Variants in COMMD1 observed in about 807,000 individuals in gnomAD.
The protein encoded by COMMD1 is copper metabolism domain containing 1.
A neutral mutation model predicts 17.2 loss-of-function variants in COMMD1; 10 were observed. The ratio of observed to expected loss-of-function variants is 0.58; its 90% CI spans 0.36 to 0.99. The LOEUF (loss-of-function observed/expected upper bound fraction) is 0.99, where lower values mean the gene tolerates loss of function less well. COMMD1 is among the 50% of genes least tolerant of loss of function. The pLI, the probability that COMMD1 is intolerant of heterozygous loss-of-function variation, is 0.01. For missense variants in COMMD1, 270 were observed against 231.8 expected (o/e 1.17, Z -1.07); for synonymous variants, 97 against 91.6 (o/e 1.06, Z -0.34).
intron 2 of COMMD1, among the ~76,000 whole-genome samples, chr2:62,002,354 G>A (rs1467029214): frequency 6.8e-6 from 1 of 148,086 alleles, no homozygotes; most frequent in Non-Finnish European, 1.5e-5. Context: ...AGTCAGGCAT[G>A]GTGGCAGGCG....
At chr2:61,998,627 C>T (rs1668837070) in intron 1 of COMMD1, among the ~76,000 whole-genome samples, 1 of 152,174 alleles carries the variant, frequency 6.6e-6, no homozygotes, top group Non-Finnish European at 1.5e-5. Flanking sequence ...AAGAACTTCT[C>T]CTTGGCGTTC....
In COMMD1 at chr2:61,888,883, A is replaced by AT. The variant is rs555209705; in HGVS notation, n.119+42dup. 310 of 200,858 alleles carry AT rather than the reference A, an allele frequency of 1.5e-3. 1 individual carries two copies. The highest frequency in any genetic ancestry group is 6.2e-3 in the Admixed American group (101 of 16,272). The allele number at this position is 200,858 out of a possible 1,614,324, so 12.4% of individuals were successfully genotyped here. A position where few individuals can be genotyped will look rare whatever the true frequency, so the allele number is the denominator to read the frequency against. On this transcript the variant is annotated intron_variant and non_coding_transcript_variant, in intron 1 of 2. Transcript: ENST00000472729. ...TTTCCTCACTCCACCTTGCACGGCT[A>AT]TGAGGTCCCCTCCTTTTTTTTTTTT... is the stretch of plus-strand genomic sequence containing the variant.
At chr2:62,037,206 C>T (rs1055748509) in intron 2 of COMMD1, among the ~76,000 whole-genome samples, 1 of 152,144 alleles carries the variant, frequency 6.6e-6, no homozygotes, top group African/African-American at 2.4e-5. Flanking sequence ...CTGCCCCCTG[C>T]CTCATTTAAC....
intron 1 of COMMD1, among the ~76,000 whole-genome samples, chr2:61,907,741 A>C (rs897929481): frequency 1.3e-5 from 2 of 151,976 alleles, no homozygotes; most frequent in African/African-American, 4.8e-5. Flanking sequence ...CCCAGGCTGG[A>C]GTGCAATGGT....
chr2:62,053,681 G>C (rs1558578895), intron 2 of COMMD1, among the ~76,000 whole-genome samples: 2 of 152,142 alleles, frequency 1.3e-5, no homozygotes, highest in Non-Finnish European at 2.9e-5. Context: ...AAATTCTAAG[G>C]ATCAGTGGCC....
chr2:61,935,354 C>T (rs565972915), intron 1 of COMMD1, among the ~76,000 whole-genome samples: 2 of 152,286 alleles, frequency 1.3e-5, no homozygotes, highest in Admixed American at 6.5e-5. Flanking sequence ...TCTGGCTGGA[C>T]GTGGTGGCTA....
At chr2:61,988,284 A>G (rs898229346) in intron 1 of COMMD1, among the ~76,000 whole-genome samples, 24 of 152,062 alleles carry the variant, frequency 1.6e-4, no homozygotes, top group Non-Finnish European at 1.5e-5. Context: ...TGAAGCCAGC[A>G]TGTTTCATAG....
At chr2:62,132,504 T>C (rs1673069729) in intron 2 of COMMD1, among the ~76,000 whole-genome samples, 3 of 152,194 alleles carry the variant, frequency 2.0e-5, no homozygotes, top group Admixed American at 2.0e-4. Context: ...TGTTAGTTAC[T>C]GGTAATCACT....
chr2:61,948,112 A>G (rs896062463), intron 1 of COMMD1, among the ~76,000 whole-genome samples: 4 of 152,144 alleles, frequency 2.6e-5, no homozygotes, highest in Non-Finnish European at 5.9e-5. Context: ...ATATCTTTTA[A>G]TAAATCAACA....
chr2:61,959,680 C>T (rs1056276470), intron 1 of COMMD1, among the ~76,000 whole-genome samples: 1 of 152,156 alleles, frequency 6.6e-6, no homozygotes, highest in African/African-American at 2.4e-5. Flanking sequence ...TATTTTGAAT[C>T]TGGAAACTCA....
At chr2:61,978,411 C>G (rs995726472) in intron 1 of COMMD1, among the ~76,000 whole-genome samples, 3 of 152,086 alleles carry the variant, frequency 2.0e-5, no homozygotes, top group Non-Finnish European at 4.4e-5. Flanking sequence ...AAAAGACAGG[C>G]TTTGGGGTTG....
intron 1 of COMMD1, among the ~76,000 whole-genome samples, chr2:62,000,172 C>T (rs1668885567): frequency 6.6e-6 from 1 of 152,082 alleles, no homozygotes; most frequent in South Asian, 2.1e-4. Flanking sequence ...AATCTGCCCA[C>T]CTCAGCTTTG....
intron 2 of COMMD1, among the ~76,000 whole-genome samples, chr2:62,032,035 A>G (rs1669921635): frequency 6.6e-6 from 1 of 152,212 alleles, no homozygotes. Context: ...ACAATCTAAC[A>G]CTTCATACAA....
At chr2:62,039,991 T>G (rs1670144541) in intron 2 of COMMD1, among the ~76,000 whole-genome samples, 1 of 152,172 alleles carries the variant, frequency 6.6e-6, no homozygotes, top group African/African-American at 2.4e-5. Flanking sequence ...CACGGTGGCT[T>G]ATGCCTGTAA....
intron 1 of COMMD1, among the ~76,000 whole-genome samples, chr2:61,989,828 C>A (rs898300454): frequency 6.6e-6 from 1 of 152,140 alleles, no homozygotes; most frequent in African/African-American, 2.4e-5. Context: ...TTGTAGAGCG[C>A]CTACTGTGTT....
In COMMD1 at chr2:62,113,021, G is replaced by A. The variant is rs181993575; in HGVS notation, c.463-22810G>A. On this transcript the variant is annotated intron_variant, in intron 2 of 2. Transcript: ENST00000311832. ...TGAGTGATGCGGTGGAGTGAACTGA[G>A]AAGAGATTTTTCTCCTTGAATTAAA... Among the ~76,000 whole-genome samples, 706 of 152,224 alleles carry A rather than the reference G, an allele frequency of 4.6e-3. 2 individuals carry two copies. The highest frequency in any genetic ancestry group is 0.016 in the African/African-American group (659 of 41,532).
chr2:61,996,887 C>T (rs989476697), intron 1 of COMMD1, among the ~76,000 whole-genome samples: 1 of 152,120 alleles, frequency 6.6e-6, no homozygotes, highest in African/African-American at 2.4e-5. Context: ...TCAACTTCTT[C>T]CAAACTCCCT....
chr2:62,054,593 C>T (rs1053950293), intron 2 of COMMD1, among the ~76,000 whole-genome samples: 1 of 152,098 alleles, frequency 6.6e-6, no homozygotes. Context: ...TTAAGTGAAA[C>T]AAGCCAGGCA....
chr2:62,004,593 C>T (rs1486637512), intron 2 of COMMD1, among the ~76,000 whole-genome samples: 16 of 152,120 alleles, frequency 1.1e-4, no homozygotes, highest in South Asian at 2.1e-4. Context: ...TGAGCCACCG[C>T]GCCCGGCCTA....
Sources: gnomAD v4.1 joint callset for allele counts (sites outside exome capture counted in the v4.1 genomes callset) on GRCh38, gnomAD v4.1.1 for gene constraint, MANE v1.5 for transcripts, NCBI Gene and HGNC (gene_info 2026-07-23, HGNC 2026-07-21) for gene names.